LGSN: variants seen among roughly 807,000 people sequenced by gnomAD.
LGSN encodes lengsin.
In LGSN, 21 loss-of-function variants were observed where a neutral mutation model predicts 19.5. The ratio of observed to expected loss-of-function variants is 1.07; its 90% confidence interval spans 0.76 to 1.55. LGSN has a LOEUF of 1.55. LGSN is among the 40% of genes most tolerant of loss of function. The pLI is 0.00. For synonymous variants in LGSN, 257 were observed against 215.6 expected, an observed-to-expected ratio of 1.19 and a Z score of -1.68; for missense variants, 673 against 608.5, an observed-to-expected ratio of 1.11 and a Z score of -1.12.
the LGSN span, among the ~76,000 whole-genome samples, chr6:63,528,644 C>T: frequency 6.6e-6 from 1 of 152,040 alleles, no homozygotes. Flanking sequence ...GCCTGTCATC[C>T]CAGCTACTCA....
chr6:63,321,331 G>T (rs746757199), upstream of LGSN, among the ~76,000 whole-genome samples: 16 of 152,034 alleles, frequency 1.1e-4, no homozygotes, highest in Non-Finnish European at 1.9e-4. Context: ...GAAAAATTTC[G>T]TTTTTGTTTC....
At chr6:63,567,467 T>G in the LGSN span, among the ~76,000 whole-genome samples, 3 of 152,230 alleles carry the variant, frequency 2.0e-5, no homozygotes, top group African/African-American at 7.2e-5. Context: ...ATAGTATTTT[T>G]AAATAAATCA....
At chr6:63,330,711 C>T in the LGSN span, among the ~76,000 whole-genome samples, 4 of 152,154 alleles carry the variant, frequency 2.6e-5, no homozygotes, top group Non-Finnish European at 2.9e-5. Flanking sequence ...GTCAAGGTCC[C>T]AGTGAGGATC....
chr6:63,379,348 C>T, the LGSN span, among the ~76,000 whole-genome samples: 2 of 152,090 alleles, frequency 1.3e-5, no homozygotes, highest in East Asian at 1.9e-4. Flanking sequence ...TTGGCACATC[C>T]TTTCATTCCT....
At chr6:63,422,088 C>A in the LGSN span, among the ~76,000 whole-genome samples, 1 of 152,098 alleles carries the variant, frequency 6.6e-6, no homozygotes, top group Non-Finnish European at 1.5e-5. Context: ...GAGACAGGGT[C>A]TTGCTCTGTC....
chr6:63,377,338 A>G, the LGSN span, among the ~76,000 whole-genome samples: 1 of 152,234 alleles, frequency 6.6e-6, no homozygotes, highest in Admixed American at 6.5e-5. Context: ...GTTGGTAACC[A>G]TCAACTGCAT....
the LGSN span, among the ~76,000 whole-genome samples, chr6:63,390,752 G>A: frequency 6.0e-5 from 9 of 151,076 alleles, no homozygotes; most frequent in South Asian, 2.1e-4. Flanking sequence ...CCAGCTACTC[G>A]GGAGGCTGAG....
chr6:63,405,709 C>G, the LGSN span, among the ~76,000 whole-genome samples: 1 of 152,046 alleles, frequency 6.6e-6, no homozygotes, highest in Non-Finnish European at 1.5e-5. Flanking sequence ...ACTAAATGCT[C>G]CAATTAAAAG....
chr6:63,392,988 G>A, the LGSN span, among the ~76,000 whole-genome samples: 1 of 147,434 alleles, frequency 6.8e-6, no homozygotes, highest in Non-Finnish European at 1.5e-5. Context: ...CCGGGTTCAC[G>A]CCATTCTCCT....
chr6:63,563,538 AC>A, the LGSN span, among the ~76,000 whole-genome samples: 4 of 151,772 alleles, frequency 2.6e-5, no homozygotes, highest in Non-Finnish European at 5.9e-5. Flanking sequence ...CATTCTGTTG[AC>A]CTCCTTCACA....
the LGSN span, chr6:63,572,389 G>A: frequency 3.0e-6 from 1 of 328,588 alleles, no homozygotes; most frequent in Non-Finnish European, 5.5e-6. Flanking sequence ...CCCGCCTGTC[G>A]GCTCCTGGCC....
chr6:63,525,833 T>A, the LGSN span, among the ~76,000 whole-genome samples: 1 of 152,204 alleles, frequency 6.6e-6, no homozygotes. Flanking sequence ...CTTAAAATAG[T>A]TGGTGTGGTT....
intron 1 of LGSN, among the ~76,000 whole-genome samples, chr6:63,309,496 T>C (rs908906395): frequency 6.6e-6 from 1 of 152,234 alleles, no homozygotes; most frequent in Admixed American, 6.5e-5. Flanking sequence ...ACAATTTTTT[T>C]CAATATCTTC....
chr6:63,324,052 G>A (rs192539170), upstream of LGSN, among the ~76,000 whole-genome samples: 9 of 152,188 alleles, frequency 5.9e-5, no homozygotes, highest in Admixed American at 2.0e-4. Flanking sequence ...GATGACAGGC[G>A]TGAGCCACCG....
chr6:63,281,658 G>C (rs150385878), intron 3 of LGSN, among the ~76,000 whole-genome samples: 1 of 152,166 alleles, frequency 6.6e-6, no homozygotes, highest in East Asian at 1.9e-4. Flanking sequence ...GTAATCCTGA[G>C]TTAACTGACC....
At chr6:63,365,334 T>G in the LGSN span, among the ~76,000 whole-genome samples, 1 of 152,122 alleles carries the variant, frequency 6.6e-6, no homozygotes, top group Non-Finnish European at 1.5e-5. Flanking sequence ...CTAGAAAATC[T>G]AGAAGAAATG....
the LGSN span, among the ~76,000 whole-genome samples, chr6:63,332,990 C>T: frequency 2.6e-5 from 4 of 151,908 alleles, no homozygotes; most frequent in African/African-American, 9.7e-5. Context: ...GTCTCTCTGG[C>T]TTCAGGAGTG....
At chr6:63,541,222 T>A in the LGSN span, among the ~76,000 whole-genome samples, 2 of 152,102 alleles carry the variant, frequency 1.3e-5, no homozygotes, top group Non-Finnish European at 2.9e-5. Flanking sequence ...AGTATCAATA[T>A]CTCCCATTGC....
chr6:63,385,790 A>G, the LGSN span, among the ~76,000 whole-genome samples: 1 of 152,196 alleles, frequency 6.6e-6, no homozygotes, highest in East Asian at 1.9e-4. Flanking sequence ...AATGTAGGCA[A>G]ATTCAGAAAG....
Sources: allele counts gnomAD v4.1 joint callset (sites outside exome capture counted in the v4.1 genomes callset), GRCh38; gene constraint gnomAD v4.1.1; transcripts MANE v1.5; gene names NCBI Gene and HGNC (gene_info 2026-07-23, HGNC 2026-07-21).